POLD3: variants seen among roughly 807,000 people sequenced by gnomAD.
POLD3 encodes DNA polymerase delta 3, accessory subunit.
In POLD3, 19 loss-of-function variants were observed where a neutral mutation model predicts 58.2. The observed-to-expected ratio is 0.33, with a 90% CI of 0.23 to 0.48. The LOEUF is 0.48. Among genes scored for constraint, POLD3 ranks in the 20% least tolerant of loss-of-function variants. The probability of loss-of-function intolerance (pLI) is 0.99; values close to 1 mark genes in which losing one functional copy is unlikely to be tolerated. For missense variants in POLD3, 504 were observed against 545.5 expected, an observed-to-expected ratio of 0.92 and a Z score of 0.76; for synonymous variants, 172 against 193.5, an observed-to-expected ratio of 0.89 and a Z score of 0.92.
At chr11:74,595,047 CTA>C (rs1283958401) in intron 2 of POLD3, 1 of 152,084 alleles carries the variant, frequency 6.6e-6, no homozygotes, top group African/African-American at 2.4e-5. Context: ...AACTGACAAA[CTA>C]TTTTTCAAAA....
intron 7 of POLD3, among the ~76,000 whole-genome samples, chr11:74,624,551 C>T (rs777314298): frequency 1.3e-5 from 2 of 152,162 alleles, no homozygotes; most frequent in Non-Finnish European, 2.9e-5. Context: ...TATTGAAGCA[C>T]CTCCAGCTAA....
At chr11:74,656,596 A>T (rs2033139090) in intron 4 of POLD3, among the ~76,000 whole-genome samples, 1 of 152,024 alleles carries the variant, frequency 6.6e-6, no homozygotes, top group African/African-American at 2.4e-5. Context: ...CAAAAAAAAA[A>T]ATTCTTCATT....
chr11:74,595,035 G>A (rs887599149), intron 2 of POLD3: 1 of 152,138 alleles, frequency 6.6e-6, no homozygotes, highest in Non-Finnish European at 1.5e-5. Flanking sequence ...AACATTTTGA[G>A]GAACTGACAA....
intron 2 of POLD3, among the ~76,000 whole-genome samples, chr11:74,602,472 A>G (rs1172195923): frequency 6.6e-6 from 1 of 151,944 alleles, no homozygotes; most frequent in Non-Finnish European, 1.5e-5. Flanking sequence ...TTTCTCTTAC[A>G]CTTCAACACA....
In POLD3 at chr11:74,592,732, A is replaced by G. The variant is rs772604259; in HGVS notation, c.60+14A>G. ...CAAAACAAGATCGTGAGCAGCTACT[A>G]CTGGGGAACGCGGGCGTGCGACCGG... On this transcript the variant is annotated intron_variant, in intron 1 of 11. Transcript: ENST00000263681. 8.1e-6 allele frequency: 13 copies of G among 1,613,750 alleles called. No homozygotes were observed. Among genetic ancestry groups the G allele is most frequent in the Non-Finnish European group, 1.0e-5 (12 of 1,179,864 alleles).
chr11:74,622,693 A>C (rs1040636747), intron 7 of POLD3, among the ~76,000 whole-genome samples: 4 of 152,196 alleles, frequency 2.6e-5, no homozygotes, highest in African/African-American at 9.6e-5. Context: ...GGACAGTAAC[A>C]AGTGTTGGCA....
intron 6 of POLD3, 116 bp downstream of exon 6, chr11:74,618,920 T>G (rs964114065): frequency 2.3e-6 from 2 of 886,908 alleles, no homozygotes; most frequent in Admixed American, 6.0e-5. Context: ...TCAGTTCTGA[T>G]TTTTCTACTT....
chr11:74,625,697 C>A (rs2032410781), intron 8 of POLD3, 124 bp downstream of exon 8: 5 of 662,480 alleles, frequency 7.5e-6, no homozygotes, highest in Non-Finnish European at 1.0e-5. Context: ...CTAAGGGATA[C>A]AACTATACAA....
chr11:74,592,587 C>T lies in POLD3; in HGVS notation c.-72C>T, dbSNP rs1431658827. 27 of 1,581,898 alleles carry T rather than the reference C, an allele frequency of 1.7e-5. No individual in the cohort carries two copies. The East Asian group carries it at 4.6e-4, about 27-fold the overall frequency. ...CCCGGGACCTGGGAGGGAGCAAAGA[C>T]GTTTCCCGCCGGCGGGAGCTGTGGC... On this transcript the variant is annotated 5_prime_UTR_variant, in exon 1 of 12. It adds an upstream start codon to the 5' untranslated region. Transcript: ENST00000263681.
intron 8 of POLD3, 127 bp from the exon 9 acceptor site, chr11:74,629,090 A>G (rs2032511501): frequency 1.6e-6 from 1 of 608,202 alleles, no homozygotes; most frequent in Non-Finnish European, 2.9e-6. Flanking sequence ...TTCTTGGACT[A>G]TTTGGCCGTC....
At chr11:74,632,680 AT>A (rs1194531152) in intron 9 of POLD3, among the ~76,000 whole-genome samples, 14 of 151,952 alleles carry the variant, frequency 9.2e-5, no homozygotes, top group African/African-American at 3.1e-4. Context: ...AAATTTCTTA[AT>A]CATTAAGGAC....
intron 2 of POLD3, among the ~76,000 whole-genome samples, chr11:74,599,368 A>AT (rs60458731): frequency 0.53 from 73,989 of 139,514 alleles, 19,880 homozygotes; most frequent in Non-Finnish European, 0.57. Context: ...CTCTCAAGTA[A>AT]TTTTTTTTTT....
intron 7 of POLD3, among the ~76,000 whole-genome samples, chr11:74,622,732 T>G (rs573529258): frequency 3.3e-4 from 51 of 152,316 alleles, no homozygotes; most frequent in African/African-American, 1.2e-3. Flanking sequence ...ACCCTTGTGC[T>G]CTGCTGTAGG....
intron 4 of POLD3, among the ~76,000 whole-genome samples, chr11:74,657,955 A>G (rs999134782): frequency 6.6e-6 from 1 of 152,174 alleles, no homozygotes; most frequent in Non-Finnish European, 1.5e-5. Context: ...TAAATATGTC[A>G]TGCCACCCTC....
chr11:74,631,479 T>TG (rs2032587510), intron 9 of POLD3, among the ~76,000 whole-genome samples: 1 of 108,442 alleles, frequency 9.2e-6, no homozygotes, highest in Non-Finnish European at 1.9e-5. Flanking sequence ...TGTCTTGTCT[T>TG]TTTTTTTTTT....
chr11:74,600,028 C>T (rs1259346002), intron 2 of POLD3, among the ~76,000 whole-genome samples: 1 of 151,652 alleles, frequency 6.6e-6, no homozygotes, highest in Non-Finnish European at 1.5e-5. Context: ...TCACTGCAAC[C>T]TCCGCCTTTA....
chr11:74,640,624 A>G lies in POLD3; in HGVS notation c.1259A>G (p.Lys420Arg). The change falls in exon 12 of 12, where the codon AAG (lysine) becomes AGG (arginine). Residue 420 changes from lysine (K) to arginine (R), a missense_variant. Transcript: ENST00000263681. ...CTDSEEELNM[K>R]TSSVHRPPAM... is the part of the protein sequence containing the mutation. Reference sequence around the variant, plus strand: ...GATAGTGAAGAGGAGCTTAACATGAAGACATCCTCAGTACACAGACCCCCT... The same window carrying G: ...GATAGTGAAGAGGAGCTTAACATGAGGACATCCTCAGTACACAGACCCCCT... 1.2e-6 allele frequency: 2 copies of G among 1,607,476 alleles called. No homozygotes were observed. Among genetic ancestry groups the G allele is most frequent in the South Asian group, 2.2e-5 (2 of 89,688 alleles).
At chr11:74,599,328 G>A (rs1337778411) in intron 2 of POLD3, among the ~76,000 whole-genome samples, 1 of 151,566 alleles carries the variant, frequency 6.6e-6, no homozygotes, top group African/African-American at 2.4e-5. Context: ...CACCATGCTC[G>A]GCCTCACTAT....
At chr11:74,592,814 C>T (rs1236947470) in intron 1 of POLD3, 96 bp downstream of exon 1, 1 of 1,562,832 alleles carries the variant, frequency 6.4e-7, no homozygotes, top group South Asian at 1.2e-5. Context: ...CTTGTGGCTT[C>T]GTGGGGACCA....
Sources: gnomAD v4.1 joint callset for allele counts (sites outside exome capture counted in the v4.1 genomes callset) on GRCh38, gnomAD v4.1.1 for gene constraint, MANE v1.5 for transcripts, NCBI Gene and HGNC (gene_info 2026-07-23, HGNC 2026-07-21) for gene names.